Variants in PCDH11X observed in about 807,000 individuals in gnomAD.
PCDH11X encodes protocadherin 11 X-linked.
PCDH11X carries 18 observed loss-of-function variants against 53.3 expected under a neutral mutation model. That is an observed-to-expected ratio of 0.34 (90% CI 0.23 to 0.50). PCDH11X has a LOEUF of 0.50. Among genes scored for constraint, PCDH11X ranks in the 20% least tolerant of loss-of-function variants. The pLI, the probability that PCDH11X is intolerant of heterozygous loss-of-function variation, is 0.98. For synonymous variants in PCDH11X, 279 were observed against 393.3 expected, an observed-to-expected ratio of 0.71 and a Z score of 3.44; for missense variants, 570 against 1,032.4, an observed-to-expected ratio of 0.55 and a Z score of 6.14.
At chrX:92,491,280 A>C (rs1379830474) in intron 10 of PCDH11X, among the ~76,000 whole-genome samples, 1 of 110,733 alleles carries the variant, frequency 9.0e-6, no homozygotes, top group African/African-American at 3.3e-5. Context: ...TGAAAATTCC[A>C]AGGTCCCTCG....
chrX:92,313,007 AAT>A (rs767280529), intron 8 of PCDH11X, among the ~76,000 whole-genome samples: 5 of 111,621 alleles, frequency 4.5e-5, no homozygotes, highest in Non-Finnish European at 9.4e-5. Flanking sequence ...TTTCCTATAA[AAT>A]AGTCTCTTCA....
At chrX:92,006,043 G>C (rs915988786) in intron 6 of PCDH11X, among the ~76,000 whole-genome samples, 1 of 111,376 alleles carries the variant, frequency 9.0e-6, no homozygotes, top group African/African-American at 3.3e-5. Flanking sequence ...TTTCTTAACT[G>C]TTAACCTTTG....
At chrX:92,229,478 C>T (rs765881707) in intron 7 of PCDH11X, among the ~76,000 whole-genome samples, 7 of 110,668 alleles carry the variant, frequency 6.3e-5, no homozygotes, top group Admixed American at 9.7e-5. Flanking sequence ...TAAATGCCAA[C>T]GCCTAGAGAG....
chrX:92,461,930 G>A (rs752333179), intron 9 of PCDH11X, among the ~76,000 whole-genome samples: 2 of 111,865 alleles, frequency 1.8e-5, no homozygotes, highest in East Asian at 5.6e-4. Flanking sequence ...ATATACAAAT[G>A]GCCTACCTTC....
chrX:92,567,816 T>G (rs1455294175), intron 10 of PCDH11X, among the ~76,000 whole-genome samples: 3 of 86,192 alleles, frequency 3.5e-5, no homozygotes, highest in Admixed American at 1.4e-4. Context: ...GGCACATGGG[T>G]GGGAACAACA....
chrX:92,022,580 G>A (rs1014003442), intron 6 of PCDH11X, among the ~76,000 whole-genome samples: 1 of 102,090 alleles, frequency 9.8e-6, no homozygotes, highest in Non-Finnish European at 1.9e-5. Flanking sequence ...CAATAATAGT[G>A]GAAGACCTTA....
intron 8 of PCDH11X, among the ~76,000 whole-genome samples, chrX:92,263,989 A>C (rs1267180014): frequency 8.9e-6 from 1 of 112,089 alleles, no homozygotes; most frequent in African/African-American, 3.2e-5. Context: ...TAAATTCAGT[A>C]AGCCTTAAAT....
At chrX:92,110,753 C>T (rs188347351) in intron 6 of PCDH11X, among the ~76,000 whole-genome samples, 187 of 110,712 alleles carry the variant, frequency 1.7e-3, no homozygotes, top group African/African-American at 6.0e-3. Context: ...GGTAGCCTTT[C>T]ATCTGGTAGC....
intron 10 of PCDH11X, among the ~76,000 whole-genome samples, chrX:92,536,246 A>C (rs1333782288): frequency 2.7e-5 from 3 of 111,159 alleles, no homozygotes; most frequent in Non-Finnish European, 5.6e-5. Context: ...GCTCTATCAG[A>C]TTGTTTATGT....
chrX:91,957,781 C>CT (rs1179541905), intron 6 of PCDH11X, among the ~76,000 whole-genome samples: 2 of 108,874 alleles, frequency 1.8e-5, no homozygotes, highest in East Asian at 5.8e-4. Flanking sequence ...TGTCTGGCTG[C>CT]TTTTTGGTAG....
chrX:92,552,994 C>CGT (rs57655496), intron 10 of PCDH11X, among the ~76,000 whole-genome samples: 4,292 of 88,828 alleles, frequency 0.048, 182 homozygotes, highest in African/African-American at 0.12. Flanking sequence ...CTGCAATTTT[C>CGT]GTGTGTGTGT....
chrX:91,909,012 A>G (rs932419527), intron 6 of PCDH11X, among the ~76,000 whole-genome samples: 5 of 111,554 alleles, frequency 4.5e-5, no homozygotes, highest in Non-Finnish European at 9.4e-5. Flanking sequence ...AAATTATTCT[A>G]TTATAAAAAC....
intron 5 of PCDH11X, among the ~76,000 whole-genome samples, chrX:91,874,483 A>T (rs932682251): frequency 9.0e-6 from 1 of 111,504 alleles, no homozygotes; most frequent in Non-Finnish European, 1.9e-5. Context: ...AAACAAAATA[A>T]CTAATATACT....
At chrX:92,094,575 T>C (rs2064104738) in intron 6 of PCDH11X, among the ~76,000 whole-genome samples, 1 of 111,319 alleles carries the variant, frequency 9.0e-6, no homozygotes, top group Middle Eastern at 4.3e-3. Flanking sequence ...AAATATCTTA[T>C]TTCTCCCTCA....
intron 10 of PCDH11X, among the ~76,000 whole-genome samples, chrX:92,473,626 T>C (rs1006047516): frequency 2.7e-5 from 3 of 111,167 alleles, no homozygotes; most frequent in South Asian, 3.8e-4. Flanking sequence ...CTATATCCCA[T>C]AGGGCTCAGT....
chrX:92,057,550 A>G (rs774410646), intron 6 of PCDH11X, among the ~76,000 whole-genome samples: 1 of 105,341 alleles, frequency 9.5e-6, no homozygotes, highest in South Asian at 4.4e-4. Flanking sequence ...TTATTATTGA[A>G]CTGGAACTAA....
intron 10 of PCDH11X, among the ~76,000 whole-genome samples, chrX:92,553,645 G>T (rs1165259980): frequency 9.2e-6 from 1 of 109,194 alleles, no homozygotes; most frequent in Non-Finnish European, 1.9e-5. Flanking sequence ...TCTTTAAGAC[G>T]CATCATTAGA....
At chrX:92,373,238 G>A (rs1179054720) in intron 8 of PCDH11X, among the ~76,000 whole-genome samples, 7 of 111,497 alleles carry the variant, frequency 6.3e-5, no homozygotes, top group Non-Finnish European at 1.1e-4. Context: ...CTTACATGCT[G>A]TATTGGACAA....
chrX:92,477,690 G>C (rs987468466), intron 10 of PCDH11X, among the ~76,000 whole-genome samples: 1 of 100,632 alleles, frequency 9.9e-6, no homozygotes, highest in Non-Finnish European at 2.0e-5. Context: ...CACACAGCAG[G>C]AAATGTGCTG....
Sources: gnomAD v4.1 joint callset for allele counts (sites outside exome capture counted in the v4.1 genomes callset) on GRCh38, gnomAD v4.1.1 for gene constraint, MANE v1.5 for transcripts, NCBI Gene and HGNC (gene_info 2026-07-23, HGNC 2026-07-21) for gene names.